Variants in ADAM32 observed in about 807,000 individuals in gnomAD.
The protein encoded by ADAM32 is ADAM metallopeptidase domain 32.
ADAM32 carries 89 observed loss-of-function variants against 114.9 expected under a neutral mutation model. The ratio of observed to expected loss-of-function variants is 0.77; its 90% confidence interval spans 0.65 to 0.92. ADAM32 has a LOEUF of 0.92. ADAM32 is among the 40% of genes least tolerant of loss of function. The pLI is 0.00. For missense variants in ADAM32, 870 were observed against 932.8 expected (o/e 0.93, Z 0.88); for synonymous variants, 285 against 307.5 (o/e 0.93, Z 0.77).
At chr8:39,133,300 A>G (rs1199323328) in intron 2 of ADAM32, among the ~76,000 whole-genome samples, 1 of 152,156 alleles carries the variant, frequency 6.6e-6, no homozygotes, top group Non-Finnish European at 1.5e-5. Context: ...CATGGATGGA[A>G]GCTTCTTGAG....
intron 23 of ADAM32, among the ~76,000 whole-genome samples, chr8:39,281,433 A>C (rs572399678): frequency 1.3e-5 from 2 of 152,342 alleles, no homozygotes; most frequent in Admixed American, 1.3e-4. Context: ...ATTTAATAAG[A>C]GACAAATATT....
At chr8:39,152,422 G>A (rs563313862) in intron 6 of ADAM32, among the ~76,000 whole-genome samples, 3 of 152,050 alleles carry the variant, frequency 2.0e-5, no homozygotes, top group Non-Finnish European at 2.9e-5. Context: ...TTTTCTGTCA[G>A]TAAAGAAAAA....
chr8:39,275,316 T>C (rs1231040213), intron 21 of ADAM32, among the ~76,000 whole-genome samples: 1 of 152,366 alleles, frequency 6.6e-6, no homozygotes, highest in Non-Finnish European at 1.5e-5. Context: ...ATTCTCTCTC[T>C]CTCTGTTACT....
chr8:39,134,548 A>G (rs1802672749), intron 2 of ADAM32, among the ~76,000 whole-genome samples: 1 of 151,902 alleles, frequency 6.6e-6, no homozygotes, highest in South Asian at 2.1e-4. Context: ...TCTCTCTCCT[A>G]GATTCTCTGT....
intron 7 of ADAM32, 45 bp from the exon 8 acceptor site, chr8:39,164,719 A>G: frequency 7.1e-7 from 1 of 1,407,506 alleles, no homozygotes. Context: ...TAAAAATACT[A>G]CATAATAATT....
chr8:39,155,205 T>C (rs1397808197), intron 6 of ADAM32, among the ~76,000 whole-genome samples: 2 of 152,188 alleles, frequency 1.3e-5, no homozygotes, highest in Non-Finnish European at 1.5e-5. Flanking sequence ...CTATTCAACA[T>C]AGTATTGGAA....
Position 39,187,021 on chromosome 8 carries a change from C to A in ADAM32, c.1028C>A (p.Thr343Asn). 6.2e-7 allele frequency: 1 copy of A among 1,610,838 alleles called. No homozygotes were observed. ...AAGAAATGTCAATGTTCAGAATCCA[C>A]CTGTATAATGAATCCAGAAGTTGTG... ...DPKKCQCSES[T>N]CIMNPEVVQS... Residue 343 changes from threonine to asparagine, a missense_variant, in exon 11 of 25, where the codon ACC (threonine) becomes AAC (asparagine). Transcript: ENST00000379907.
At chr8:39,186,643 T>C (rs985223044) in intron 10 of ADAM32, among the ~76,000 whole-genome samples, 15 of 152,270 alleles carry the variant, frequency 9.9e-5, no homozygotes, top group Admixed American at 7.8e-4. Flanking sequence ...ATCAAAACAA[T>C]TTTTTTATAT....
intron 16 of ADAM32, among the ~76,000 whole-genome samples, chr8:39,235,688 T>C (rs1489789810): frequency 2.0e-5 from 3 of 152,210 alleles, no homozygotes; most frequent in Non-Finnish European, 4.4e-5. Flanking sequence ...GAAACATTCT[T>C]AGTATTGTTT....
Position 39,254,147 on chromosome 8 carries a change from G to T in ADAM32, c.1903-267G>T, listed in dbSNP as rs897618587. On this transcript the variant is annotated intron_variant, in intron 17 of 24. Coordinates refer to ENST00000379907, the MANE Select transcript of ADAM32 (RefSeq NM_145004.7). ...AATTTAAGTATGCATTTTTGAAATT[G>T]CATCGTAAATTTGTAGGTAAACATT... Among the ~76,000 whole-genome samples, 7 of 151,172 alleles carry T rather than the reference G, an allele frequency of 4.6e-5. No individual in the cohort carries two copies. In the South Asian group the frequency reaches 1.5e-3, roughly 32 times the overall value.
At chr8:39,259,554 C>CAT (rs1811887514) in intron 19 of ADAM32, among the ~76,000 whole-genome samples, 2 of 151,982 alleles carry the variant, frequency 1.3e-5, no homozygotes, top group Admixed American at 6.6e-5. Context: ...TTAATCATTA[C>CAT]ATATAGTCTT....
At chr8:39,283,435 AATGG>A in intron 23 of ADAM32, 147 bp from the exon 24 acceptor site, 1 of 549,306 alleles carries the variant, frequency 1.8e-6, no homozygotes. Context: ...AAAAAAAAAA[AATGG>A]AAAAGAGGTA....
At chr8:39,169,802 C>T in intron 9 of ADAM32, 114 bp from the exon 10 acceptor site, 2 of 669,574 alleles carry the variant, frequency 3.0e-6, no homozygotes. Context: ...AAGATCATAC[C>T]TCAATTTGCT....
intron 19 of ADAM32, among the ~76,000 whole-genome samples, chr8:39,263,425 T>C (rs1223825446): frequency 6.6e-6 from 1 of 152,210 alleles, no homozygotes; most frequent in Non-Finnish European, 1.5e-5. Flanking sequence ...CCTCTTTTTC[T>C]CCTTCTGAAC....
chr8:39,222,865 A>G (rs569962678), intron 13 of ADAM32, among the ~76,000 whole-genome samples, 175 bp from the exon 14 acceptor site: 14 of 152,236 alleles, frequency 9.2e-5, no homozygotes, highest in African/African-American at 3.4e-4. Flanking sequence ...TATTTTAGTC[A>G]ATAACATTCC....
In ADAM32 at chr8:39,223,187, G is replaced by A; in HGVS notation, c.1474G>A (p.Asp492Asn). The change falls in exon 14 of 25, where the codon GAC becomes AAC. Residue 492 changes from aspartate to asparagine, a missense_variant. Physicochemically the swap from Asp to Asn is conservative, Grantham distance 23. Transcript: ENST00000379907. Reference sequence around the variant, plus strand: ...CAAAAATAATAAGTTTATTTGTTATGACGGAGACTGCCATGATCTCGATGC... The same window carrying A: ...CAAAAATAATAAGTTTATTTGTTATAACGGAGACTGCCATGATCTCGATGC... ...SCKNNKFICY[D>N]GDCHDLDARC... 6.3e-7 allele frequency: 1 copy of A among 1,598,628 alleles called. No individual in the cohort carries two copies. The highest frequency in any genetic ancestry group is 8.5e-7 in the Non-Finnish European group (1 of 1,173,442).
Position 39,221,606 on chromosome 8 carries a change from A to T in ADAM32, c.1234-4A>T, listed in dbSNP as rs371864359. The T allele has an allele frequency of 1.9e-6, 3 of 1,606,892 alleles. No homozygotes were observed. Among genetic ancestry groups the T allele is most frequent in the Non-Finnish European group, 2.6e-6 (3 of 1,174,656 alleles). On this transcript the variant is annotated splice_region_variant and splice_polypyrimidine_tract_variant and intron_variant, in intron 12 of 24. Coordinates refer to ENST00000379907, the MANE Select transcript of ADAM32 (RefSeq NM_145004.7). Reference sequence around the variant, plus strand: ...TTTTACTTGTACATTTCACTAATTCATAGCAATGTGGACCTGCAAGCTGTT... The same window carrying T: ...TTTTACTTGTACATTTCACTAATTCTTAGCAATGTGGACCTGCAAGCTGTT...
intron 6 of ADAM32, among the ~76,000 whole-genome samples, chr8:39,151,923 A>C (rs992292681): frequency 6.6e-6 from 1 of 151,996 alleles, no homozygotes; most frequent in African/African-American, 2.4e-5. Flanking sequence ...TCAATCTCCC[A>C]AAATGTTGAG....
At chr8:39,139,299 A>G (rs1802997241) in intron 3 of ADAM32, among the ~76,000 whole-genome samples, 2 of 152,110 alleles carry the variant, frequency 1.3e-5, no homozygotes, top group Non-Finnish European at 2.9e-5. Flanking sequence ...TAGGGTTTTT[A>G]TGGTGTTAGG....
Sources: gnomAD v4.1 joint callset for allele counts (sites outside exome capture counted in the v4.1 genomes callset) on GRCh38, gnomAD v4.1.1 for gene constraint, MANE v1.5 for transcripts, NCBI Gene and HGNC (gene_info 2026-07-23, HGNC 2026-07-21) for gene names.